Variants in ERBB4 observed in about 807,000 individuals in gnomAD.
The protein encoded by ERBB4 is erb-b2 receptor tyrosine kinase 4.
A neutral mutation model predicts 158.0 loss-of-function variants in ERBB4; 42 were observed. The ratio of observed to expected loss-of-function variants is 0.27; its 90% CI spans 0.21 to 0.34. ERBB4 has a LOEUF of 0.34. Among genes scored for constraint, ERBB4 ranks in the 10% least tolerant of loss-of-function variants. The pLI is 1.00. For missense variants in ERBB4, 1,333 were observed against 1,624.1 expected (o/e 0.82, Z 3.08); for synonymous variants, 583 against 558.7 (o/e 1.04, Z -0.61).
At chr2:211,764,989 G>A (rs1010686734) in intron 4 of ERBB4, among the ~76,000 whole-genome samples, 34 of 152,180 alleles carry the variant, frequency 2.2e-4, no homozygotes, top group African/African-American at 7.7e-4. Context: ...CAAAATCTTT[G>A]ATGTGTGTGA....
intron 1 of ERBB4, among the ~76,000 whole-genome samples, chr2:212,399,482 C>T (rs368839002): frequency 4.1e-5 from 6 of 147,970 alleles, no homozygotes; most frequent in East Asian, 4.0e-4. Context: ...TCAATCTATT[C>T]ACCTTCAATC....
intron 1 of ERBB4, among the ~76,000 whole-genome samples, chr2:212,338,275 C>T (rs527464178): frequency 1.6e-4 from 24 of 152,100 alleles, no homozygotes; most frequent in Middle Eastern, 3.4e-3. Context: ...TAGTGTCTGG[C>T]GGTGAAAATG....
intron 1 of ERBB4, among the ~76,000 whole-genome samples, chr2:212,293,119 A>C (rs1186348099): frequency 1.3e-5 from 2 of 152,028 alleles, no homozygotes; most frequent in Non-Finnish European, 2.9e-5. Flanking sequence ...AATAAAACTC[A>C]AGCATTAGCT....
chr2:211,897,206 A>G (rs1365693394), intron 3 of ERBB4, among the ~76,000 whole-genome samples: 4 of 151,852 alleles, frequency 2.6e-5, no homozygotes, highest in African/African-American at 9.7e-5. Context: ...TCTTACATAC[A>G]TACACCCACG....
intron 20 of ERBB4, among the ~76,000 whole-genome samples, chr2:211,508,279 T>C (rs2065799251): frequency 6.6e-6 from 1 of 151,132 alleles, no homozygotes; most frequent in South Asian, 2.1e-4. Context: ...AACTTAAATT[T>C]ACGAGAAAAA....
At chr2:211,992,032 G>A (rs1184382335) in intron 2 of ERBB4, among the ~76,000 whole-genome samples, 1 of 152,126 alleles carries the variant, frequency 6.6e-6, no homozygotes, top group African/African-American at 2.4e-5. Context: ...ACATTTTCCT[G>A]TCGTCTTCTG....
intron 1 of ERBB4, among the ~76,000 whole-genome samples, chr2:212,257,185 C>A (rs1574534988): frequency 6.6e-6 from 1 of 152,048 alleles, no homozygotes; most frequent in Non-Finnish European, 1.5e-5. Flanking sequence ...AACTTAAATC[C>A]AAAACTTGTA....
At chr2:212,090,220 C>T (rs1448786625) in intron 2 of ERBB4, among the ~76,000 whole-genome samples, 2 of 61,742 alleles carry the variant, frequency 3.2e-5, no homozygotes, top group South Asian at 6.9e-4. Flanking sequence ...TAATTCCCGT[C>T]AAGGAACTTA....
At chr2:211,739,223 T>C (rs2074708727) in intron 5 of ERBB4, among the ~76,000 whole-genome samples, 2 of 152,024 alleles carry the variant, frequency 1.3e-5, no homozygotes, top group Admixed American at 1.3e-4. Flanking sequence ...AAGTGAGCCA[T>C]TTATTCATAC....
At chr2:211,475,713 G>A (rs1395479179) in intron 20 of ERBB4, among the ~76,000 whole-genome samples, 1 of 151,968 alleles carries the variant, frequency 6.6e-6, no homozygotes, top group Non-Finnish European at 1.5e-5. Flanking sequence ...CTAGACCTAA[G>A]CAGAAAACTT....
intron 1 of ERBB4, among the ~76,000 whole-genome samples, chr2:212,315,285 G>C (rs1344736951): frequency 6.6e-6 from 1 of 151,342 alleles, no homozygotes; most frequent in Admixed American, 6.6e-5. Context: ...ATCCGGGCTA[G>C]AGGTTCACTT....
intron 17 of ERBB4, among the ~76,000 whole-genome samples, chr2:211,624,665 T>C (rs970326916): frequency 2.0e-5 from 3 of 152,224 alleles, no homozygotes; most frequent in Admixed American, 1.3e-4. Context: ...TTCTGCATCA[T>C]AAGTGAATGC....
At position 211,420,435 on chromosome 2, in the gene ERBB4, T is replaced by C; in HGVS notation, c.3135+6A>G. 6 of 1,594,478 alleles carry C rather than the reference T, an allele frequency of 3.8e-6. No individual in the cohort carries two copies. Among genetic ancestry groups the C allele is most frequent in the Non-Finnish European group, 3.4e-6 (4 of 1,162,860 alleles). On this transcript the variant is annotated splice_donor_region_variant and intron_variant, in intron 25 of 27. Coordinates refer to ENST00000342788, the MANE Select transcript of ERBB4 (RefSeq NM_005235.3). ...AATATGATATGTGTATATAATTATTTCTTACCCTATTCGAGTCAATTCTTG... is the reference window on the plus strand; with the variant it reads ...AATATGATATGTGTATATAATTATTCCTTACCCTATTCGAGTCAATTCTTG...
At chr2:211,721,682 T>C (rs1354632587) in intron 7 of ERBB4, among the ~76,000 whole-genome samples, 1 of 149,610 alleles carries the variant, frequency 6.7e-6, no homozygotes, top group Non-Finnish European at 1.5e-5. Context: ...ATTAAAAATA[T>C]AATGCTAAGT....
At chr2:212,001,539 C>T (rs1467034914) in intron 2 of ERBB4, among the ~76,000 whole-genome samples, 3 of 152,132 alleles carry the variant, frequency 2.0e-5, no homozygotes, top group African/African-American at 7.2e-5. Context: ...GTTGGGAAAA[C>T]CTTAGCTACA....
intron 1 of ERBB4, among the ~76,000 whole-genome samples, chr2:212,226,695 GA>G (rs1187300660): frequency 2.0e-5 from 3 of 151,974 alleles, no homozygotes; most frequent in African/African-American, 7.3e-5. Context: ...ATGTTATATA[GA>G]ACATAAAGTT....
At chr2:211,874,036 G>A (rs201624372) in intron 3 of ERBB4, among the ~76,000 whole-genome samples, 1 of 147,596 alleles carries the variant, frequency 6.8e-6, no homozygotes, top group African/African-American at 2.4e-5. Flanking sequence ...ATGGTGGTGT[G>A]CACCTGTAGT....
chr2:212,034,145 TA>T (rs906947097), intron 2 of ERBB4, among the ~76,000 whole-genome samples: 4 of 151,590 alleles, frequency 2.6e-5, no homozygotes, highest in Non-Finnish European at 4.4e-5. Flanking sequence ...TTACCCATAT[TA>T]AAAAAAACCC....
At chr2:212,178,778 G>T (rs1032770432) in intron 1 of ERBB4, among the ~76,000 whole-genome samples, 1 of 151,240 alleles carries the variant, frequency 6.6e-6, no homozygotes, top group African/African-American at 2.4e-5. Flanking sequence ...TTGTTTGTTC[G>T]CTTTATGATG....
Sources: gnomAD v4.1 joint callset for allele counts (sites outside exome capture counted in the v4.1 genomes callset) on GRCh38, gnomAD v4.1.1 for gene constraint, MANE v1.5 for transcripts, NCBI Gene and HGNC (gene_info 2026-07-23, HGNC 2026-07-21) for gene names.